Variants in AUTS2 observed in about 807,000 individuals in gnomAD.
AUTS2 encodes the protein autism susceptibility gene 2 protein.
A neutral mutation model predicts 112.4 loss-of-function variants in AUTS2; 17 were observed. The ratio of observed to expected loss-of-function variants is 0.15; its 90% CI spans 0.10 to 0.23. The LOEUF is 0.23. Among genes scored for constraint, AUTS2 ranks in the 10% least tolerant of loss-of-function variants. The pLI is 1.00. For missense variants in AUTS2, 1,510 were observed against 1,701.6 expected (o/e 0.89, Z 1.98); for synonymous variants, 751 against 702.7 (o/e 1.07, Z -1.09).
chr7:70,030,053 T>A (rs998945500), intron 2 of AUTS2, among the ~76,000 whole-genome samples: 4 of 152,182 alleles, frequency 2.6e-5, no homozygotes, highest in Non-Finnish European at 4.4e-5. Flanking sequence ...CTCAGCAGAT[T>A]ACTCACAAGT....
At chr7:69,700,785 C>T (rs935403097) in intron 1 of AUTS2, among the ~76,000 whole-genome samples, 19 of 152,194 alleles carry the variant, frequency 1.2e-4, no homozygotes, top group Admixed American at 1.2e-3. Context: ...GACCAAGTTT[C>T]GAGCACATTA....
intron 1 of AUTS2, 101 bp from the exon 2 acceptor site, chr7:69,899,185 C>A: frequency 1.2e-6 from 1 of 838,840 alleles, no homozygotes. Flanking sequence ...ATCCCTCTCC[C>A]ACTTAGTAGT....
chr7:69,999,983 GT>G (rs1425895660), intron 2 of AUTS2, among the ~76,000 whole-genome samples: 1 of 152,118 alleles, frequency 6.6e-6, no homozygotes, highest in Non-Finnish European at 1.5e-5. Context: ...TGTTTGAGGT[GT>G]GTGCACATGT....
chr7:70,270,865 C>G (rs1346642340), intron 4 of AUTS2, among the ~76,000 whole-genome samples: 1 of 152,126 alleles, frequency 6.6e-6, no homozygotes, highest in African/African-American at 2.4e-5. Flanking sequence ...GCCCTCTCCC[C>G]ATGTTAATCT....
At chr7:70,259,313 TC>T (rs1787043937) in intron 4 of AUTS2, among the ~76,000 whole-genome samples, 1 of 151,898 alleles carries the variant, frequency 6.6e-6, no homozygotes, top group African/African-American at 2.4e-5. Flanking sequence ...TTTTTTTTTT[TC>T]CTTCTTTTTT....
At chr7:70,376,722 C>T (rs1224367570) in intron 4 of AUTS2, among the ~76,000 whole-genome samples, 1 of 148,932 alleles carries the variant, frequency 6.7e-6, no homozygotes, top group Admixed American at 6.8e-5. Context: ...GTGCTATTAT[C>T]CTTTATCTCG....
At chr7:70,253,234 T>G (rs1428702043) in intron 4 of AUTS2, among the ~76,000 whole-genome samples, 1 of 152,190 alleles carries the variant, frequency 6.6e-6, no homozygotes, top group African/African-American at 2.4e-5. Context: ...TTGTATCTAC[T>G]CTGCCTTAGT....
chr7:69,648,759 A>T (rs1186520427), intron 1 of AUTS2, among the ~76,000 whole-genome samples: 1 of 152,208 alleles, frequency 6.6e-6, no homozygotes, highest in Admixed American at 6.5e-5. Flanking sequence ...GTTATTGATT[A>T]TACGTCTTAC....
chr7:70,414,201 C>A (rs893953210), intron 4 of AUTS2, among the ~76,000 whole-genome samples: 2 of 152,198 alleles, frequency 1.3e-5, no homozygotes, highest in Non-Finnish European at 2.9e-5. Flanking sequence ...GCGCCTGTTA[C>A]CTTTCCTTTC....
intron 4 of AUTS2, among the ~76,000 whole-genome samples, chr7:70,163,854 T>G (rs764139060): frequency 2.0e-5 from 3 of 152,172 alleles, no homozygotes; most frequent in Non-Finnish European, 2.9e-5. Context: ...AAGAAAGTCA[T>G]GTACTTGAGT....
chr7:70,419,401 G>A (rs1279076311), intron 4 of AUTS2, among the ~76,000 whole-genome samples: 6 of 133,858 alleles, frequency 4.5e-5, no homozygotes, highest in Non-Finnish European at 7.8e-5. Flanking sequence ...TTCTTTCACT[G>A]TAAAATTGGA....
chr7:70,049,740 A>C (rs1002326649), intron 2 of AUTS2, among the ~76,000 whole-genome samples: 1 of 152,090 alleles, frequency 6.6e-6, no homozygotes, highest in Non-Finnish European at 1.5e-5. Flanking sequence ...ACAGTGGTTC[A>C]TATCTGTAAT....
intron 5 of AUTS2, among the ~76,000 whole-genome samples, chr7:70,558,500 A>T (rs912652673): frequency 1.3e-5 from 2 of 152,178 alleles, no homozygotes; most frequent in Admixed American, 6.5e-5. Flanking sequence ...ACTGGTCCCC[A>T]TGAAGGTGGC....
chr7:69,632,315 C>T (rs990810205), intron 1 of AUTS2, among the ~76,000 whole-genome samples: 2 of 152,140 alleles, frequency 1.3e-5, no homozygotes, highest in African/African-American at 4.8e-5. Context: ...TTTGCCATTA[C>T]CCGGCATACT....
intron 4 of AUTS2, among the ~76,000 whole-genome samples, chr7:70,272,982 A>T (rs1009676523): frequency 2.0e-5 from 3 of 152,170 alleles, no homozygotes; most frequent in African/African-American, 7.2e-5. Context: ...TGGTTTTTAA[A>T]AATTCTGTGA....
At chr7:69,750,047 A>G (rs572295143) in intron 1 of AUTS2, among the ~76,000 whole-genome samples, 2 of 152,190 alleles carry the variant, frequency 1.3e-5, no homozygotes, top group South Asian at 2.1e-4. Flanking sequence ...ACCTGCAGAT[A>G]TTCATATTGC....
At chr7:70,163,813 TA>T (rs1209690805) in intron 4 of AUTS2, among the ~76,000 whole-genome samples, 1 of 152,184 alleles carries the variant, frequency 6.6e-6, no homozygotes, top group African/African-American at 2.4e-5. Context: ...AAGCAGAGAT[TA>T]CATGTCATTG....
intron 1 of AUTS2, among the ~76,000 whole-genome samples, chr7:69,779,115 C>G (rs889934202): frequency 7.9e-5 from 11 of 140,010 alleles, no homozygotes; most frequent in African/African-American, 2.4e-4. Context: ...TGGTCTTGAA[C>G]TTCTTGGGCT....
intron 4 of AUTS2, among the ~76,000 whole-genome samples, chr7:70,322,647 T>C (rs923210191): frequency 6.6e-6 from 1 of 152,126 alleles, no homozygotes; most frequent in Non-Finnish European, 1.5e-5. Flanking sequence ...CAAGTGAAAG[T>C]GTGTCATAGT....
Sources: gnomAD v4.1 joint callset for allele counts (sites outside exome capture counted in the v4.1 genomes callset) on GRCh38, gnomAD v4.1.1 for gene constraint, MANE v1.5 for transcripts, NCBI Gene and HGNC (gene_info 2026-07-23, HGNC 2026-07-21) for gene names.